PTPN3: variants seen among roughly 807,000 people sequenced by gnomAD.
The protein encoded by PTPN3 is tyrosine-protein phosphatase non-receptor type 3.
A neutral mutation model predicts 132.7 loss-of-function variants in PTPN3; 96 were observed. The ratio of observed to expected loss-of-function variants is 0.72; its 90% confidence interval spans 0.61 to 0.86. The LOEUF is 0.86. PTPN3 is among the 40% of genes least tolerant of loss of function. PTPN3 has a pLI of 0.00. For missense variants in PTPN3, 1,125 were observed against 1,159.6 expected, an observed-to-expected ratio of 0.97 and a Z score of 0.43; for synonymous variants, 398 against 429.0, an observed-to-expected ratio of 0.93 and a Z score of 0.89.
chr9:109,485,439 C>T (rs1005054899), intron 1 of PTPN3, among the ~76,000 whole-genome samples: 3 of 151,930 alleles, frequency 2.0e-5, no homozygotes, highest in African/African-American at 2.4e-5. Flanking sequence ...ACCTGGGAGG[C>T]GGAGCTTGCA....
intron 19 of PTPN3, among the ~76,000 whole-genome samples, chr9:109,397,344 A>T (rs909059313): frequency 2.6e-5 from 4 of 152,246 alleles, no homozygotes; most frequent in Non-Finnish European, 2.9e-5. Flanking sequence ...GAATAATGGG[A>T]TCTGCTGCTT....
chr9:109,496,646 T>C (rs1247448157), intron 1 of PTPN3, among the ~76,000 whole-genome samples: 1 of 152,226 alleles, frequency 6.6e-6, no homozygotes, highest in African/African-American at 2.4e-5. Context: ...AAGCACAAGA[T>C]GAAATTCTCA....
At chr9:109,417,804 C>G in intron 14 of PTPN3, 1 of 984,060 alleles carries the variant, frequency 1.0e-6, no homozygotes, top group Non-Finnish European at 1.2e-6. Flanking sequence ...CACAAGGAAG[C>G]CTGCCTTTGA....
rs1425755651 is a variant in PTPN3, at chr9:109,377,676, A to G, written c.*1880T>C. ...TTTTTGGGCTAATCACTGATAACTAAACTTTTCTAAGTAACTCACCCACAG... is the reference window on the plus strand; with the variant it reads ...TTTTTGGGCTAATCACTGATAACTAGACTTTTCTAAGTAACTCACCCACAG... On this transcript the variant is annotated 3_prime_UTR_variant, in exon 26 of 26. Coordinates refer to ENST00000374541, the MANE Select transcript of PTPN3 (RefSeq NM_002829.4). 1 of 152,104 alleles carries G rather than the reference A, an allele frequency of 6.6e-6. No individual in the cohort carries two copies. Among genetic ancestry groups the G allele is most frequent in the Non-Finnish European group, 1.5e-5 (1 of 68,020 alleles). The allele number at this position is 152,104 out of a possible 1,614,324, so 9.4% of individuals were successfully genotyped here.
intron 1 of PTPN3, among the ~76,000 whole-genome samples, chr9:109,470,763 G>C (rs951998709): frequency 6.6e-6 from 1 of 151,748 alleles, no homozygotes; most frequent in African/African-American, 2.4e-5. Context: ...ACTAAGATGA[G>C]CTCAAACTAA....
At chr9:109,515,079 A>G in the PTPN3 span, among the ~76,000 whole-genome samples, 3 of 152,060 alleles carry the variant, frequency 2.0e-5, no homozygotes, top group Non-Finnish European at 2.9e-5. Context: ...CTGAAGTGCA[A>G]TGGTGCCGTC....
chr9:109,528,314 A>G, the PTPN3 span, among the ~76,000 whole-genome samples: 1 of 152,264 alleles, frequency 6.6e-6, no homozygotes, highest in African/African-American at 2.4e-5. Context: ...TATAAGAGCC[A>G]AACTGGAAAC....
At position 109,428,700 on chromosome 9, in the gene PTPN3, C is replaced by G. The variant is rs1046744516; in HGVS notation, c.765-16G>C. On this transcript the variant is annotated splice_polypyrimidine_tract_variant and intron_variant, in intron 10 of 25. Coordinates refer to ENST00000374541, the MANE Select transcript of PTPN3 (RefSeq NM_002829.4). ...AATGTTCACCCTTCAAAAAATAAAA[C>G]AAAACACAAACAAAGCACATCAGGG... The G allele has an allele frequency of 1.6e-5, 25 of 1,609,856 alleles. No individual in the cohort carries two copies. The highest frequency in any genetic ancestry group is 2.1e-5 in the Non-Finnish European group (25 of 1,178,706).
At chr9:109,439,239 C>A (rs1338291354) in intron 7 of PTPN3, among the ~76,000 whole-genome samples, 1 of 152,092 alleles carries the variant, frequency 6.6e-6, no homozygotes, top group Non-Finnish European at 1.5e-5. Context: ...TGAGGACATC[C>A]ATTTCCCTTC....
chr9:109,485,333 C>T (rs1389419593), intron 1 of PTPN3, among the ~76,000 whole-genome samples: 2 of 152,002 alleles, frequency 1.3e-5, no homozygotes, highest in Non-Finnish European at 2.9e-5. Context: ...GGTGAAACCC[C>T]GTCTCTACTA....
intron 19 of PTPN3, among the ~76,000 whole-genome samples, chr9:109,403,605 C>T (rs563768685): frequency 1.2e-4 from 18 of 152,144 alleles, no homozygotes; most frequent in African/African-American, 3.6e-4. Flanking sequence ...TTTGGAAGAC[C>T]GAGGCGGGAG....
the PTPN3 span, among the ~76,000 whole-genome samples, chr9:109,515,719 G>A: frequency 6.6e-6 from 1 of 152,162 alleles, no homozygotes. Flanking sequence ...TGTGTCACAC[G>A]GCAAGAGAGG....
chr9:109,512,495 A>G, the PTPN3 span, among the ~76,000 whole-genome samples: 7 of 152,218 alleles, frequency 4.6e-5, no homozygotes, highest in African/African-American at 1.7e-4. Context: ...TTTTACGTCA[A>G]GAAATGTTTG....
intron 21 of PTPN3, among the ~76,000 whole-genome samples, chr9:109,390,775 A>G (rs966750265): frequency 6.6e-6 from 1 of 151,374 alleles, no homozygotes. Flanking sequence ...TTTTTTTTTT[A>G]AGGCAGGATG....
chr9:109,516,902 C>T, the PTPN3 span, among the ~76,000 whole-genome samples: 3 of 152,086 alleles, frequency 2.0e-5, no homozygotes. Context: ...TGACACCATT[C>T]ATTTAGGTTA....
intron 19 of PTPN3, among the ~76,000 whole-genome samples, chr9:109,403,599 G>T (rs778086751): frequency 6.8e-4 from 103 of 152,180 alleles, no homozygotes; most frequent in Non-Finnish European, 1.1e-3. Context: ...CAGCGTTTTG[G>T]AAGACCGAGG....
chr9:109,513,711 C>T, the PTPN3 span, among the ~76,000 whole-genome samples: 2 of 152,134 alleles, frequency 1.3e-5, no homozygotes, highest in Non-Finnish European at 2.9e-5. Flanking sequence ...TGTCTCTGAT[C>T]CTGATTTCCT....
chr9:109,434,588 G>A (rs911628485), intron 9 of PTPN3, among the ~76,000 whole-genome samples: 10 of 152,236 alleles, frequency 6.6e-5, no homozygotes, highest in South Asian at 2.1e-4. Context: ...GGTTAAAGGC[G>A]TGAGCCACTA....
chr9:109,446,399 G>A (rs1219677724), intron 6 of PTPN3, among the ~76,000 whole-genome samples: 1 of 152,158 alleles, frequency 6.6e-6, no homozygotes, highest in Non-Finnish European at 1.5e-5. Flanking sequence ...ATATGAAGTC[G>A]ACTTTCCCTA....
Sources: allele counts gnomAD v4.1 joint callset (sites outside exome capture counted in the v4.1 genomes callset), GRCh38; gene constraint gnomAD v4.1.1; transcripts MANE v1.5; gene names NCBI Gene and HGNC (gene_info 2026-07-23, HGNC 2026-07-21).